Variants in CRYBG1 observed in about 807,000 individuals in gnomAD.
CRYBG1 encodes beta/gamma crystallin domain-containing protein 1.
A neutral mutation model predicts 189.2 loss-of-function variants in CRYBG1; 139 were observed. The observed-to-expected ratio is 0.73, with a 90% CI of 0.64 to 0.85. The LOEUF (loss-of-function observed/expected upper bound fraction) is 0.85, where lower values mean the gene tolerates loss of function less well. Among genes scored for constraint, CRYBG1 ranks in the 40% least tolerant of loss-of-function variants. The probability of loss-of-function intolerance (pLI) is 0.00; values close to 1 mark genes in which losing one functional copy is unlikely to be tolerated. For synonymous variants in CRYBG1, 1,023 were observed against 1,017.1 expected, an observed-to-expected ratio of 1.01 and a Z score of -0.11; for missense variants, 2,611 against 2,675.8, an observed-to-expected ratio of 0.98 and a Z score of 0.53.
rs527676061 is a variant in CRYBG1, at chr6:106,371,320, C to T, written c.173+10239C>T. On this transcript the variant is annotated intron_variant, in intron 1 of 21. Transcript: ENST00000633556. ...TAGTTGAAGCAACTGTTGACATTCA[C>T]ACTGAAATTCAATGTCTCCTTTATC... Among the ~76,000 whole-genome samples the T allele has an allele frequency of 7.9e-5, 12 of 152,332 alleles. No homozygotes were observed. The South Asian group carries it at 2.5e-3, about 32-fold the overall frequency.
At chr6:106,544,516 G>A (rs1774215322) in intron 11 of CRYBG1, 55 bp from the exon 12 acceptor site, 2 of 1,589,036 alleles carry the variant, frequency 1.3e-6, no homozygotes, top group East Asian at 4.5e-5. Context: ...TATGTACCTT[G>A]AAAAAATGTT....
chr6:106,375,228 T>A (rs569014924), intron 1 of CRYBG1, among the ~76,000 whole-genome samples: 1 of 150,996 alleles, frequency 6.6e-6, no homozygotes, highest in African/African-American at 2.4e-5. Context: ...ATAAAAAAAA[T>A]TTTTGAAATT....
chr6:106,404,497 T>C (rs1167291470), intron 1 of CRYBG1, among the ~76,000 whole-genome samples: 1 of 152,238 alleles, frequency 6.6e-6, no homozygotes, highest in Non-Finnish European at 1.5e-5. Context: ...AGAAATATTC[T>C]ATCTGAACAT....
At chr6:106,450,807 C>T (rs1173770711) in intron 1 of CRYBG1, among the ~76,000 whole-genome samples, 1 of 152,178 alleles carries the variant, frequency 6.6e-6, no homozygotes, top group African/African-American at 2.4e-5. Flanking sequence ...GACCTTTTCC[C>T]CCATTTCTTC....
Position 106,512,502 on chromosome 6 carries a change from C to T in CRYBG1, c.1385C>T (p.Ser462Leu). Residue 462 changes from serine to leucine, a missense_variant, in exon 3 of 22, where the codon TCG becomes TTG. Coordinates refer to ENST00000633556, the MANE Select transcript of CRYBG1 (RefSeq NM_001371242.2). Reference sequence around the variant, plus strand: ...CCAAACGCGGCCAGCGATAACGCCTCGGCGGAAAAGAAAGTGAAATCTCCG... The same window carrying T: ...CCAAACGCGGCCAGCGATAACGCCTTGGCGGAAAAGAAAGTGAAATCTCCG... ...VAPNAASDNA[S>L]AEKKVKSPRA... The T allele has an allele frequency of 6.2e-7, 1 of 1,611,166 alleles. No homozygotes were observed. The highest frequency in any genetic ancestry group is 8.5e-7 in the Non-Finnish European group (1 of 1,179,210).
At chr6:106,483,391 G>GTATATATATATATATATATATATATATGT (rs1772513172) in intron 2 of CRYBG1, among the ~76,000 whole-genome samples, 2 of 101,076 alleles carry the variant, frequency 2.0e-5, no homozygotes, top group East Asian at 3.2e-4. Flanking sequence ...TATATATATA[G>GTATATATATATATATATATATATATATGT]ATATATATAT....
intron 1 of CRYBG1, among the ~76,000 whole-genome samples, chr6:106,396,536 C>G (rs999463080): frequency 1.3e-5 from 2 of 152,098 alleles, no homozygotes; most frequent in Admixed American, 6.6e-5. Context: ...ATAGAAAAAC[C>G]AGCACGTAAA....
At chr6:106,517,684 A>G (rs1773473855) in intron 3 of CRYBG1, among the ~76,000 whole-genome samples, 1 of 152,048 alleles carries the variant, frequency 6.6e-6, no homozygotes, top group African/African-American at 2.4e-5. Flanking sequence ...GGATTCCTTC[A>G]ACCATAAGTT....
chr6:106,392,336 G>A (rs750298831), intron 1 of CRYBG1, among the ~76,000 whole-genome samples: 5 of 152,094 alleles, frequency 3.3e-5, no homozygotes, highest in Non-Finnish European at 5.9e-5. Flanking sequence ...AATGAAAATG[G>A]GAATCTCCCG....
intron 2 of CRYBG1, among the ~76,000 whole-genome samples, chr6:106,470,563 C>G (rs965150066): frequency 2.0e-5 from 3 of 151,674 alleles, no homozygotes; most frequent in African/African-American, 7.3e-5. Flanking sequence ...CAGAGCAAGG[C>G]TTCATCTCAA....
chr6:106,398,223 C>T (rs1021705829), intron 1 of CRYBG1, among the ~76,000 whole-genome samples: 1 of 151,994 alleles, frequency 6.6e-6, no homozygotes, highest in African/African-American at 2.4e-5. Flanking sequence ...ATTTCAAAAT[C>T]CAGCAAACCG....
At chr6:106,490,899 A>G (rs1772707156) in intron 2 of CRYBG1, among the ~76,000 whole-genome samples, 1 of 10,570 alleles carries the variant, frequency 9.5e-5, no homozygotes, top group South Asian at 1.6e-3. Flanking sequence ...TTGTACTTCA[A>G]AAAAATGTGT....
intron 13 of CRYBG1, among the ~76,000 whole-genome samples, chr6:106,546,900 T>C (rs953844808): frequency 2.0e-5 from 3 of 152,208 alleles, no homozygotes; most frequent in Non-Finnish European, 2.9e-5. Flanking sequence ...TCATCCACCC[T>C]GGCAGAGGAA....
intron 2 of CRYBG1, among the ~76,000 whole-genome samples, chr6:106,458,631 A>C (rs1249947229): frequency 6.6e-6 from 1 of 152,206 alleles, no homozygotes; most frequent in Non-Finnish European, 1.5e-5. Context: ...CTGCTGTAAC[A>C]AATGCACAGT....
chr6:106,377,621 T>TATATATATATATATATATATA lies in CRYBG1; in HGVS notation c.173+16540_173+16541insATATATATATATATATATATA, dbSNP rs1419204336. 7.9e-4 allele frequency among the ~76,000 whole-genome samples: 55 copies of TATATATATATATATATATATA among 69,456 alleles called. 1 individual carries two copies. Among genetic ancestry groups the TATATATATATATATATATATA allele is most frequent in the African/African-American group, 1.5e-3 (43 of 28,032 alleles). The allele number at this position is 69,456 out of a possible 152,430, so 45.6% of individuals were successfully genotyped here. ...TGTGTAACTCATAAGTCCTAAGGTT[T>TATATATATATATATATATATA]TATATATATATATATATATATATAT... On this transcript the variant is annotated intron_variant, in intron 1 of 21. Transcript: ENST00000633556.
Position 106,360,820 on chromosome 6 carries a change from C to A in CRYBG1, c.-89C>A, listed in dbSNP as rs890055922. ...CCCACGGCGCGCTGAGAAAGGCGGG[C>A]GAGCTGGCGCTCAGGTGTGTTCTTC... On this transcript the variant is annotated 5_prime_UTR_variant, in exon 1 of 22. Transcript: ENST00000633556. The A allele has an allele frequency of 4.6e-5, 63 of 1,372,776 alleles. No individual in the cohort carries two copies. The African/African-American group carries it at 8.7e-4, about 19-fold the overall frequency. The allele number at this position is 1,372,776 out of a possible 1,614,324, so 85.0% of individuals were successfully genotyped here.
chr6:106,520,271 C>T lies in CRYBG1; in HGVS notation c.3063C>T (p.Leu1021=), dbSNP rs758931666. ...GNEHSHCTAE[L]AAKSGPQVIP... is the part of the protein sequence containing the mutation. ...AACACTCTCATTGCACAGCAGAGCT[C>T]GCGGCAAAATCTGGCCCACAAGTCA... The change falls in exon 4 of 22, where the codon CTC becomes CTT. Residue 1021 remains leucine, a synonymous_variant. Transcript: ENST00000633556. 8.7e-6 allele frequency: 14 copies of T among 1,614,062 alleles called. No individual in the cohort carries two copies. In the East Asian group the frequency reaches 8.9e-5, roughly 10 times the overall value.
chr6:106,417,168 T>C (rs1411558218), intron 1 of CRYBG1, among the ~76,000 whole-genome samples: 1 of 118,978 alleles, frequency 8.4e-6, no homozygotes, highest in African/African-American at 3.3e-5. Context: ...TGCTCAGTTA[T>C]TTTTTTTTAA....
At chr6:106,463,024 C>T (rs547646020) in intron 2 of CRYBG1, among the ~76,000 whole-genome samples, 1 of 152,276 alleles carries the variant, frequency 6.6e-6, no homozygotes, top group African/African-American at 2.4e-5. Context: ...TAAGGTGGCC[C>T]ATGCCTGTAG....
Sources: allele counts gnomAD v4.1 joint callset (sites outside exome capture counted in the v4.1 genomes callset), GRCh38; gene constraint gnomAD v4.1.1; transcripts MANE v1.5; gene names NCBI Gene and HGNC (gene_info 2026-07-23, HGNC 2026-07-21).